Variants in SYN3 observed in about 807,000 individuals in gnomAD.
The protein encoded by SYN3 is synapsin-3.
Under a neutral mutation model 65.8 loss-of-function variants are expected in SYN3, and 35 were observed. The ratio of observed to expected loss-of-function variants is 0.53; its 90% confidence interval spans 0.41 to 0.70. The LOEUF is 0.70. SYN3 is among the 30% of genes least tolerant of loss of function. SYN3 has a pLI of 0.00. For missense variants in SYN3, 680 were observed against 749.0 expected, an observed-to-expected ratio of 0.91 and a Z score of 1.08; for synonymous variants, 270 against 292.9, an observed-to-expected ratio of 0.92 and a Z score of 0.80.
intron 4 of SYN3, among the ~76,000 whole-genome samples, chr22:32,922,996 A>T (rs1488635435): frequency 6.6e-6 from 1 of 152,160 alleles, no homozygotes; most frequent in Non-Finnish European, 1.5e-5. Flanking sequence ...CAAAGAGGAG[A>T]TTTATTATGG....
intron 6 of SYN3, among the ~76,000 whole-genome samples, chr22:32,708,840 G>A (rs2060915661): frequency 6.6e-6 from 1 of 152,208 alleles, no homozygotes; most frequent in Admixed American, 6.5e-5. Context: ...TACCCCTCAC[G>A]GGGCCCTTGA....
chr22:32,755,164 TG>T (rs1176512790), intron 6 of SYN3, among the ~76,000 whole-genome samples: 1 of 152,212 alleles, frequency 6.6e-6, no homozygotes, highest in East Asian at 1.9e-4. Flanking sequence ...CAGCACTTTT[TG>T]CAAAGGTCAT....
intron 6 of SYN3, among the ~76,000 whole-genome samples, chr22:32,632,823 T>A (rs1347021534): frequency 6.6e-6 from 1 of 152,246 alleles, no homozygotes; most frequent in Non-Finnish European, 1.5e-5. Context: ...ACTGTCATTT[T>A]CTATTAACGT....
intron 1 of SYN3, among the ~76,000 whole-genome samples, chr22:33,010,723 C>G (rs1307539090): frequency 1.3e-5 from 2 of 152,200 alleles, no homozygotes; most frequent in East Asian, 1.9e-4. Context: ...ATTGCATAGA[C>G]TGAGTAGAAT....
At position 32,837,117 on chromosome 22, in the gene SYN3, T is replaced by C. The variant is rs1265463457; in HGVS notation, c.711+27798A>G. On this transcript the variant is annotated intron_variant, in intron 6 of 13. Transcript: ENST00000358763. This position sits in a 1 kb window ranked among gnomAD's most constrained non-coding sequence, Gnocchi z 4.1. ...AAAATAAAATGCTATAGATGGCTCC[T>C]GAGATGTTGCCAGCTGTTTGGGCTT... Among the ~76,000 whole-genome samples the C allele has an allele frequency of 2.2e-4, 33 of 152,196 alleles. No individual in the cohort carries two copies. Among genetic ancestry groups the C allele is most frequent in the Non-Finnish European group, 4.7e-4 (32 of 68,046 alleles).
intron 6 of SYN3, among the ~76,000 whole-genome samples, chr22:32,681,238 A>T (rs1013040574): frequency 1.6e-5 from 2 of 128,932 alleles, no homozygotes; most frequent in African/African-American, 5.3e-5. Flanking sequence ...ACGTCTGGAG[A>T]CATTTTTGGT....
At chr22:32,764,637 G>T (rs565694290) in intron 6 of SYN3, among the ~76,000 whole-genome samples, 2 of 152,268 alleles carry the variant, frequency 1.3e-5, no homozygotes, top group Admixed American at 1.3e-4. Context: ...ATAATCTCCC[G>T]CTAATATCCC....
At chr22:32,944,662 C>T (rs979122811) in intron 3 of SYN3, among the ~76,000 whole-genome samples, 5 of 152,224 alleles carry the variant, frequency 3.3e-5, no homozygotes, top group Non-Finnish European at 5.9e-5. Flanking sequence ...CTCACCACTC[C>T]TATTCAACAC....
chr22:32,615,185 T>A (rs563997674), intron 6 of SYN3, among the ~76,000 whole-genome samples: 2 of 152,012 alleles, frequency 1.3e-5, no homozygotes, highest in East Asian at 3.9e-4. Flanking sequence ...AATCCCAGAC[T>A]TTGGGATCCA....
At chr22:32,735,587 C>T (rs368946770) in intron 6 of SYN3, among the ~76,000 whole-genome samples, 8 of 152,202 alleles carry the variant, frequency 5.3e-5, no homozygotes, top group Admixed American at 2.0e-4. Flanking sequence ...TGGAATTTGA[C>T]GGCTCTGGAA....
intron 6 of SYN3, among the ~76,000 whole-genome samples, chr22:32,797,606 G>C (rs962058595): frequency 1.3e-5 from 2 of 152,102 alleles, no homozygotes; most frequent in Non-Finnish European, 2.9e-5. Flanking sequence ...TAACTACACT[G>C]GGCTCCACCA....
intron 6 of SYN3, among the ~76,000 whole-genome samples, chr22:32,706,642 G>A (rs1471722455): frequency 2.0e-5 from 3 of 152,232 alleles, no homozygotes; most frequent in Non-Finnish European, 4.4e-5. Flanking sequence ...CAGCTGAGGG[G>A]CAGATGGGGG....
chr22:32,867,587 T>A (rs1461432580), intron 5 of SYN3, among the ~76,000 whole-genome samples: 1 of 151,440 alleles, frequency 6.6e-6, no homozygotes, highest in Non-Finnish European at 1.5e-5. Context: ...AGTGGAGGAG[T>A]GGTATTTTTT....
rs1445032814 is a variant in SYN3, at chr22:32,882,045, C to T, written c.462-12920G>A. On this transcript the variant is annotated intron_variant, in intron 4 of 13. Coordinates refer to ENST00000358763, the MANE Select transcript of SYN3 (RefSeq NM_003490.4). Reference sequence around the variant, plus strand: ...ACTCCAGCCTGGCGACAGAGCGAGACTCTGTCTCAAAAAAAAAAAAAAAGG... The same window carrying T: ...ACTCCAGCCTGGCGACAGAGCGAGATTCTGTCTCAAAAAAAAAAAAAAAGG... Among the ~76,000 whole-genome samples, 3 of 111,622 alleles carry T rather than the reference C, an allele frequency of 2.7e-5. No individual in the cohort carries two copies. The South Asian group carries it at 1.0e-3, about 38-fold the overall frequency. 73.2% of individuals were successfully genotyped at this position (111,622 alleles called of 152,430 possible).
intron 6 of SYN3, among the ~76,000 whole-genome samples, chr22:32,642,587 G>GC (rs2059918074): frequency 1.3e-5 from 2 of 151,768 alleles, no homozygotes; most frequent in African/African-American, 4.8e-5. Context: ...GACTACAGGC[G>GC]CCCCCACCAC....
intron 6 of SYN3, among the ~76,000 whole-genome samples, chr22:32,825,815 C>T (rs1477280337): frequency 4.7e-5 from 7 of 149,870 alleles, no homozygotes; most frequent in Non-Finnish European, 1.5e-5. Flanking sequence ...AAGCATCCAA[C>T]TAACATTTCT....
intron 6 of SYN3, among the ~76,000 whole-genome samples, chr22:32,601,520 A>T (rs902484744): frequency 6.6e-6 from 1 of 152,126 alleles, no homozygotes; most frequent in African/African-American, 2.4e-5. Context: ...CTCGTGATCC[A>T]CCCGCCTTGG....
intron 3 of SYN3, among the ~76,000 whole-genome samples, chr22:32,949,018 T>C (rs2051203182): frequency 6.6e-6 from 1 of 152,140 alleles, no homozygotes; most frequent in Non-Finnish European, 1.5e-5. Context: ...TTTGAAATAT[T>C]TGCAGTATAT....
rs563350410 is a variant in SYN3, at chr22:32,508,222, C to T, written c.*5470G>A. On this transcript the variant is annotated 3_prime_UTR_variant, in exon 14 of 14. Transcript: ENST00000358763. The stretch of plus-strand genomic sequence containing the variant: ...GACATTCCACCATTGTGATTTGTTC[C>T]TGCCCCACCTTAACTGAGTGATTAA... 5.3e-4 allele frequency among the ~76,000 whole-genome samples: 80 copies of T among 152,254 alleles called. No individual in the cohort carries two copies. The highest frequency in any genetic ancestry group is 9.3e-4 in the Non-Finnish European group (63 of 68,022).
Sources: gnomAD v4.1 joint callset for allele counts (sites outside exome capture counted in the v4.1 genomes callset) on GRCh38, gnomAD v4.1.1 for gene constraint, Gnocchi (gnomAD v3.1) non-coding constraint, MANE v1.5 for transcripts, NCBI Gene and HGNC (gene_info 2026-07-23, HGNC 2026-07-21) for gene names.